Variants in FOXM1 observed in about 807,000 individuals in gnomAD.
FOXM1 encodes the protein forkhead box M1.
In FOXM1, 25 loss-of-function variants were observed where a neutral mutation model predicts 63.6. That is an observed-to-expected ratio of 0.39 (90% confidence interval 0.29 to 0.55). The LOEUF (loss-of-function observed/expected upper bound fraction) is 0.55. FOXM1 is among the 20% of genes least tolerant of loss of function. The pLI is 0.60. For synonymous variants in FOXM1, 387 were observed against 376.9 expected, an observed-to-expected ratio of 1.03 and a Z score of -0.31; for missense variants, 879 against 958.7, an observed-to-expected ratio of 0.92 and a Z score of 1.10.
At chr12:2,859,822 G>C (rs2302257) in intron 8 of FOXM1, 159 bp from the exon 9 acceptor site, 101,508 of 612,662 alleles carry the variant, frequency 0.17, 9,066 homozygotes, top group Middle Eastern at 0.27. Flanking sequence ...TCAATTCTGG[G>C]GGTAAAAGAT....
At chr12:2,870,377 G>C (rs1433420787) in intron 3 of FOXM1, among the ~76,000 whole-genome samples, 1 of 152,208 alleles carries the variant, frequency 6.6e-6, no homozygotes, top group African/African-American at 2.4e-5. Context: ...TTATAAGTAG[G>C]AACTAGGCTG....
intron 8 of FOXM1, among the ~76,000 whole-genome samples, chr12:2,862,707 A>ATT (rs113254945): frequency 0.13 from 19,306 of 143,364 alleles, 1,327 homozygotes; most frequent in South Asian, 0.22. Context: ...ATTAAAAAAA[A>ATT]ATTTTTTTTT....
At chr12:2,861,013 C>A (rs1391479755) in intron 8 of FOXM1, among the ~76,000 whole-genome samples, 1 of 151,028 alleles carries the variant, frequency 6.6e-6, no homozygotes, top group Non-Finnish European at 1.5e-5. Context: ...CTAAAAAATA[C>A]AAAAATTAGC....
In FOXM1 at chr12:2,864,280, T is replaced by G; in HGVS notation, c.1266+40A>C. The G allele has an allele frequency of 6.4e-7, 1 of 1,551,246 alleles. No individual in the cohort carries two copies. Among genetic ancestry groups the G allele is most frequent in the Non-Finnish European group, 8.8e-7 (1 of 1,137,882 alleles). On this transcript the variant is annotated intron_variant, in intron 8 of 8. Transcript: ENST00000359843. This position sits in a 1 kb window ranked among gnomAD's most constrained non-coding sequence, Gnocchi z 5.1. ...CAAGCTGAAGGTCCAACATTCTTAA[T>G]TGGCCAGAATCTCTCTTCAGAGGAA...
chr12:2,859,236 C>T lies in FOXM1; in HGVS notation c.1694G>A (p.Gly565Glu), dbSNP rs201149076. The change falls in exon 9 of 9, where the codon GGG (glycine) becomes GAG (glutamate). Residue 565 changes from glycine to glutamate, a missense_variant. Coordinates refer to ENST00000359843, the MANE Select transcript of FOXM1 (RefSeq NM_021953.4). ...VDEPELLFSE[G>E]PSTSRWAAEL... is the part of the protein sequence containing the mutation. ...TGCGGCCCAGCGGGAAGTACTGGGCCCCTCTGAGAAGAGCAGCTCCGGCTC... is the reference window on the plus strand; with the variant it reads ...TGCGGCCCAGCGGGAAGTACTGGGCTCCTCTGAGAAGAGCAGCTCCGGCTC... The T allele has an allele frequency of 2.6e-5, 42 of 1,613,626 alleles. No homozygotes were observed. Among genetic ancestry groups the T allele is most frequent in the Middle Eastern group, 3.3e-4 (2 of 6,062 alleles).
intron 4 of FOXM1, among the ~76,000 whole-genome samples, chr12:2,867,886 G>A (rs918286361): frequency 6.7e-6 from 1 of 150,210 alleles, no homozygotes; most frequent in Non-Finnish European, 1.5e-5. Flanking sequence ...GCTGAGGCAG[G>A]AGAATCGCTT....
intron 4 of FOXM1, among the ~76,000 whole-genome samples, chr12:2,867,120 T>G (rs1603500872): frequency 6.6e-6 from 1 of 151,906 alleles, no homozygotes; most frequent in Middle Eastern, 3.4e-3. Context: ...GTCACTGCAC[T>G]CCAGCCTGGG....
chr12:2,869,787 A>C (rs1262554794), intron 3 of FOXM1, among the ~76,000 whole-genome samples: 1 of 136,866 alleles, frequency 7.3e-6, no homozygotes, highest in African/African-American at 2.8e-5. Flanking sequence ...GGATTTTGCT[A>C]TGTTGCCCAG....
chr12:2,872,468 G>A lies in FOXM1; in HGVS notation c.503-221C>T, dbSNP rs769771759. On this transcript the variant is annotated intron_variant, in intron 2 of 8. Transcript: ENST00000359843. This position sits in a 1 kb window ranked among gnomAD's most constrained non-coding sequence, Gnocchi z 4.0. ...CTACTAAAAATACAAAATTAGCTGG[G>A]TGTGGTGGCACACGCCTGTAGTCCC... Among the ~76,000 whole-genome samples, 26 of 152,172 alleles carry A rather than the reference G, an allele frequency of 1.7e-4. No individual in the cohort carries two copies. The highest frequency in any genetic ancestry group is 3.5e-4 in the Non-Finnish European group (24 of 68,042).
chr12:2,863,547 G>A (rs1469040311), intron 8 of FOXM1, among the ~76,000 whole-genome samples: 5 of 151,010 alleles, frequency 3.3e-5, no homozygotes, highest in Non-Finnish European at 5.9e-5. Context: ...TACTACCACC[G>A]TGGCTAATTT....
At position 2,858,458 on chromosome 12, in the gene FOXM1, G is replaced by A. The variant is rs1236231848; in HGVS notation, c.*180C>T. The A allele has an allele frequency of 5.1e-6, 3 of 586,168 alleles. No individual in the cohort carries two copies. Among genetic ancestry groups the A allele is most frequent in the Non-Finnish European group, 6.0e-6 (2 of 333,210 alleles). 36.3% of individuals were successfully genotyped at this position (586,168 alleles called of 1,614,324 possible). A position where few individuals can be genotyped will look rare whatever the true frequency, so the allele number is the denominator to read the frequency against. On this transcript the variant is annotated 3_prime_UTR_variant, in exon 9 of 9. Coordinates refer to ENST00000359843, the MANE Select transcript of FOXM1 (RefSeq NM_021953.4). The stretch of plus-strand genomic sequence containing the variant: ...AGCAGAGGAATCAGATACTCTTGGG[G>A]AACACAAGGTCCCAGCAGTGGCTAG...
At chr12:2,876,404 C>T (rs1223656715) in intron 1 of FOXM1, 1 of 152,180 alleles carries the variant, frequency 6.6e-6, no homozygotes, top group Non-Finnish European at 1.5e-5. Flanking sequence ...TTATTATTGC[C>T]AACACTTTCT....
rs2098119714 is a variant in FOXM1, at chr12:2,864,567, T to C, written c.1091-72A>G. On this transcript the variant is annotated intron_variant, in intron 7 of 8. Coordinates refer to ENST00000359843, the MANE Select transcript of FOXM1 (RefSeq NM_021953.4). This position sits in a 1 kb window ranked among gnomAD's most constrained non-coding sequence, Gnocchi z 5.1. ...CCCTTCTCAGCCCCAGGAGCTTTGC[T>C]CTCCTTCTCTGGGCTCAGATCCCTT... 1.9e-6 allele frequency: 3 copies of C among 1,582,556 alleles called. No homozygotes were observed. The South Asian group carries it at 3.3e-5, about 18-fold the overall frequency.
In FOXM1 at chr12:2,864,182, T is replaced by C; in HGVS notation, c.1266+138A>G. On this transcript the variant is annotated intron_variant, in intron 8 of 8. Transcript: ENST00000359843. This position sits in a 1 kb window ranked among gnomAD's most constrained non-coding sequence, Gnocchi z 5.1. ...TTAGCTCTTCTAATGCTATTACACT[T>C]CCCTATGTTTTTATGCCTTTTCTAC... 2.6e-6 allele frequency: 2 copies of C among 760,760 alleles called. No individual in the cohort carries two copies. The highest frequency in any genetic ancestry group is 4.3e-6 in the Non-Finnish European group (2 of 460,098). 47.1% of individuals were successfully genotyped at this position (760,760 alleles called of 1,614,324 possible).
At chr12:2,865,947 C>G (rs544073810) in intron 5 of FOXM1, among the ~76,000 whole-genome samples, 19 of 152,256 alleles carry the variant, frequency 1.2e-4, no homozygotes, top group South Asian at 8.3e-4. Flanking sequence ...GCCACCACAC[C>G]CAGCAGGAAG....
At chr12:2,875,883 C>A (rs2098142296) in intron 1 of FOXM1, among the ~76,000 whole-genome samples, 1 of 151,606 alleles carries the variant, frequency 6.6e-6, no homozygotes, top group Non-Finnish European at 1.5e-5. Flanking sequence ...GCCTCAGCCT[C>A]CCGAGTAGCT....
Position 2,872,050 on chromosome 12 carries a change from C to T in FOXM1, c.654+46G>A. The T allele has an allele frequency of 2.5e-6, 4 of 1,607,524 alleles. No homozygotes were observed. Among genetic ancestry groups the T allele is most frequent in the Non-Finnish European group, 2.6e-6 (3 of 1,174,274 alleles). ...TGATCCATTTCCCTACCTAGGAATT[C>T]CCTACACTGGATCTGATTTCTTTAG... On this transcript the variant is annotated intron_variant, in intron 3 of 8. Coordinates refer to ENST00000359843, the MANE Select transcript of FOXM1 (RefSeq NM_021953.4). This position sits in a 1 kb window ranked among gnomAD's most constrained non-coding sequence, Gnocchi z 4.0.
intron 2 of FOXM1, 64 bp downstream of exon 2, chr12:2,873,913 C>A (rs2098137535): frequency 2.0e-6 from 3 of 1,526,948 alleles, no homozygotes; most frequent in Non-Finnish European, 1.8e-6. Flanking sequence ...AGACTGACTA[C>A]ACACCTTGCC....
At chr12:2,870,369 A>G (rs561744432) in intron 3 of FOXM1, among the ~76,000 whole-genome samples, 5 of 152,250 alleles carry the variant, frequency 3.3e-5, no homozygotes, top group African/African-American at 7.2e-5. Context: ...GTTCTCACTT[A>G]TAAGTAGGAA....
Sources: gnomAD v4.1 joint callset for allele counts (sites outside exome capture counted in the v4.1 genomes callset) on GRCh38, gnomAD v4.1.1 for gene constraint, Gnocchi (gnomAD v3.1) non-coding constraint, MANE v1.5 for transcripts, NCBI Gene and HGNC (gene_info 2026-07-23, HGNC 2026-07-21) for gene names.